The following ASIC4 variants were observed in gnomAD, a reference collection of about 807,000 sequenced individuals.
ASIC4 encodes the protein acid-sensing ion channel 4.
A neutral mutation model predicts 53.4 loss-of-function variants in ASIC4; 28 were observed. That is an observed-to-expected ratio of 0.52 (90% CI 0.39 to 0.72). The LOEUF is 0.72. Among genes scored for constraint, ASIC4 ranks in the 30% least tolerant of loss-of-function variants. ASIC4 has a pLI of 0.00. For synonymous variants in ASIC4, 289 were observed against 301.4 expected (o/e 0.96, Z 0.43); for missense variants, 649 against 729.7 (o/e 0.89, Z 1.27).
At chr2:219,529,350 G>T (rs1695004244) in intron 1 of ASIC4, among the ~76,000 whole-genome samples, 1 of 152,202 alleles carries the variant, frequency 6.6e-6, no homozygotes, top group Non-Finnish European at 1.5e-5. Flanking sequence ...TCTGGGAGCT[G>T]GTAAAGGTGT....
At chr2:219,512,540 G>A (rs188346400), upstream of ASIC4, among the ~76,000 whole-genome samples, 1 of 152,182 alleles carries the variant, frequency 6.6e-6, no homozygotes, top group East Asian at 1.9e-4. Flanking sequence ...GAGGAACAGT[G>A]GGGGGAGTTC....
chr2:219,511,066 G>A (rs757041841), upstream of ASIC4, among the ~76,000 whole-genome samples: 19 of 152,114 alleles, frequency 1.2e-4, no homozygotes, highest in Non-Finnish European at 2.8e-4. The surrounding 1 kb of genome is among the most constrained non-coding windows in gnomAD (Gnocchi z 5.3). Flanking sequence ...CACTTGGTCC[G>A]CACCAGGGCC....
chr2:219,515,748 G>A (rs376590047), intron 1 of ASIC4, among the ~76,000 whole-genome samples: 8 of 152,162 alleles, frequency 5.3e-5, no homozygotes, highest in African/African-American at 1.9e-4. Context: ...GGGAGGTTTG[G>A]GGGGCTCCAT....
chr2:219,537,883 G>T lies in ASIC4; in HGVS notation c.1507-50G>T. The T allele has an allele frequency of 6.6e-7, 1 of 1,514,192 alleles. No individual in the cohort carries two copies. The highest frequency in any genetic ancestry group is 9.0e-7 in the Non-Finnish European group (1 of 1,109,614). The allele number at this position is 1,514,192 out of a possible 1,614,324, so 93.8% of individuals were successfully genotyped here. A position where few individuals can be genotyped will look rare whatever the true frequency, so the allele number is the denominator to read the frequency against. The stretch of plus-strand genomic sequence containing the variant: ...AAGGCTGGCGGTGTGAGCCCTGGGG[G>T]CACCACTTGAGCTCTCCCGGTCCCA... On this transcript the variant is annotated intron_variant, in intron 9 of 9. Coordinates refer to ENST00000358078, the MANE Select transcript of ASIC4 (RefSeq NM_018674.6). This position sits in a 1 kb window ranked among gnomAD's most constrained non-coding sequence, Gnocchi z 4.9.
intron 5 of ASIC4, 104 bp downstream of exon 5, chr2:219,533,043 A>G: frequency 7.6e-7 from 1 of 1,310,296 alleles, no homozygotes; most frequent in Admixed American, 1.7e-5. Flanking sequence ...CTCTTCCTGG[A>G]GGGTTCTTCC....
At chr2:219,514,202 T>A (rs1694737615), upstream of ASIC4, 1 of 1,050,504 alleles carries the variant, frequency 9.5e-7, no homozygotes, top group East Asian at 2.7e-5. Flanking sequence ...AGCAGGAGTT[T>A]GGGGGATAGC....
rs1363750517 is a variant in ASIC4, at chr2:219,538,152, G to T, written c.*106G>T. Reference sequence around the variant, plus strand: ...GCCTGGGGGCGGTGCTCACTGGGAGGGCCAGGACTCAGTTCCTGCTCTCAT... The same window carrying T: ...GCCTGGGGGCGGTGCTCACTGGGAGTGCCAGGACTCAGTTCCTGCTCTCAT... On this transcript the variant is annotated 3_prime_UTR_variant, in exon 10 of 10. Transcript: ENST00000358078. The T allele has an allele frequency of 4.2e-6, 4 of 955,184 alleles. No individual in the cohort carries two copies. The African/African-American group carries it at 6.5e-5, about 16-fold the overall frequency. The allele number at this position is 955,184 out of a possible 1,614,324, so 59.2% of individuals were successfully genotyped here.
chr2:219,513,957 C>G (rs923855501), upstream of ASIC4, among the ~76,000 whole-genome samples: 2 of 152,178 alleles, frequency 1.3e-5, no homozygotes, highest in Non-Finnish European at 2.9e-5. Context: ...ACAAGTGGCT[C>G]TCTCAAGGAG....
chr2:219,508,677 G>A, the ASIC4 span, among the ~76,000 whole-genome samples: 4 of 152,198 alleles, frequency 2.6e-5, no homozygotes, highest in Admixed American at 1.3e-4. Flanking sequence ...TGGACGGGGT[G>A]CAGGGGGCCC....
upstream of ASIC4, chr2:219,514,057 T>G: frequency 1.7e-5 from 7 of 409,334 alleles, no homozygotes; most frequent in Non-Finnish European, 2.6e-5. Flanking sequence ...GGTGGGGGGA[T>G]AGAGTTGGCT....
At position 219,532,447 on chromosome 2, in the gene ASIC4, C is replaced by A; in HGVS notation, c.988C>A (p.Arg330Ser). 6.2e-7 allele frequency: 1 copy of A among 1,613,606 alleles called. No individual in the cohort carries two copies. Among genetic ancestry groups the A allele is most frequent in the Non-Finnish European group, 8.5e-7 (1 of 1,179,742 alleles). ...CTGTGAAAAGGAGGCCGTGCTTCAGCGCTGCCACTGCCGGATGGTGCACAT... is the reference window on the plus strand; with the variant it reads ...CTGTGAAAAGGAGGCCGTGCTTCAGAGCTGCCACTGCCGGATGGTGCACAT... ...LRCEKEAVLQRCHCRMVHMPG... is the reference protein window; with the variant it reads ...LRCEKEAVLQSCHCRMVHMPG... Residue 330 changes from arginine (R) to serine (S), a missense_variant, in exon 4 of 10, where the codon CGC (arginine) becomes AGC (serine). By Grantham distance (110) the Arg-to-Ser change is moderately radical. Coordinates refer to ENST00000358078, the MANE Select transcript of ASIC4 (RefSeq NM_018674.6).
chr2:219,509,941 C>T (rs887638961), upstream of ASIC4, among the ~76,000 whole-genome samples: 4 of 152,096 alleles, frequency 2.6e-5, no homozygotes, highest in African/African-American at 7.2e-5. This position sits in a 1 kb window ranked among gnomAD's most constrained non-coding sequence, Gnocchi z 5.2. Flanking sequence ...CAAATCCGCC[C>T]GTTCTCGATC....
At chr2:219,514,408 G>T, upstream of ASIC4, 1 of 1,548,642 alleles carries the variant, frequency 6.5e-7, no homozygotes. Context: ...TCGCTCACTC[G>T]CTCGCTCGCA....
intron 1 of ASIC4, among the ~76,000 whole-genome samples, chr2:219,519,821 C>A (rs4674408): frequency 6.6e-6 from 1 of 151,598 alleles, no homozygotes; most frequent in Non-Finnish European, 1.5e-5. Context: ...CGGGCTGTGA[C>A]TGGAAGTCGG....
rs576114197 is a variant in ASIC4 at position 219,532,366 on chromosome 2, A to T, written c.907A>T (p.Arg303Trp). 81 of 1,613,982 alleles carry T rather than the reference A, an allele frequency of 5.0e-5. 1 individual carries two copies. In the South Asian group the frequency reaches 8.2e-4, roughly 16 times the overall value. Reference protein sequence around the residue: ...WGNCRAESELREPELQGYSAY... With the variant: ...WGNCRAESELWEPELQGYSAY... ...CAACTGCCGCGCAGAGAGTGAGCTC[A>T]GGGAGCCTGAGCTTCAGGGCTACTC... is the stretch of plus-strand genomic sequence containing the variant. The change falls in exon 4 of 10, where the codon AGG (arginine) becomes TGG (tryptophan). Residue 303 changes from arginine (R) to tryptophan (W), a missense_variant. Transcript: ENST00000358078.
Position 219,532,930 on chromosome 2 carries a change from C to T in ASIC4, c.1066C>T (p.His356Tyr). The change falls in exon 5 of 10, where the codon CAC becomes TAC. Residue 356 changes from histidine to tyrosine, a missense_variant. Transcript: ENST00000358078. ...AAATATCTACATCGAGTGTGCAGAC[C>T]ACACACTGGGTCCGTGCTGCCTACC... The part of the protein sequence containing the change: ...PPNIYIECAD[H>Y]TLDSLGGGPE... 7 of 1,614,018 alleles carry T rather than the reference C, an allele frequency of 4.3e-6. No homozygotes were observed. The highest frequency in any genetic ancestry group is 5.9e-6 in the Non-Finnish European group (7 of 1,179,930).
intron 1 of ASIC4, among the ~76,000 whole-genome samples, chr2:219,519,317 C>A (rs534587565): frequency 5.9e-5 from 9 of 152,344 alleles, no homozygotes; most frequent in Non-Finnish European, 5.9e-5. Context: ...AATGCCGCCA[C>A]CCCAACTGCT....
At position 219,537,914 on chromosome 2, in the gene ASIC4, T is replaced by C; in HGVS notation, c.1507-19T>C. 1 of 1,582,038 alleles carries C rather than the reference T, an allele frequency of 6.3e-7. No individual in the cohort carries two copies. The highest frequency in any genetic ancestry group is 2.3e-5 in the East Asian group (1 of 44,352). On this transcript the variant is annotated intron_variant, in intron 9 of 9. Coordinates refer to ENST00000358078, the MANE Select transcript of ASIC4 (RefSeq NM_018674.6). This position sits in a 1 kb window ranked among gnomAD's most constrained non-coding sequence, Gnocchi z 4.9. ...CTTGAGCTCTCCCGGTCCCACTCTC[T>C]CTTTTCTTTCTCCTGCAGAGTCCCT...
rs974815093 is a variant in ASIC4 at position 219,518,365 on chromosome 2, G to C, written c.582+3059G>C. Among the ~76,000 whole-genome samples, 2 of 152,168 alleles carry C rather than the reference G, an allele frequency of 1.3e-5. No individual in the cohort carries two copies. Among genetic ancestry groups the C allele is most frequent in the African/African-American group, 4.8e-5 (2 of 41,438 alleles). On this transcript the variant is annotated intron_variant, in intron 1 of 9. Coordinates refer to ENST00000358078, the MANE Select transcript of ASIC4 (RefSeq NM_018674.6). The surrounding 1 kb of genome is among the most constrained non-coding windows in gnomAD (Gnocchi z 4.8). ...AGTTCAGAGAAGGAGAGGCCATTCT[G>C]GGTGGAGGAGAGCTGGGAGGGCCTA...
Sources: gnomAD v4.1 joint callset for allele counts (sites outside exome capture counted in the v4.1 genomes callset) on GRCh38, gnomAD v4.1.1 for gene constraint, Gnocchi (gnomAD v3.1) non-coding constraint, MANE v1.5 for transcripts, NCBI Gene and HGNC (gene_info 2026-07-23, HGNC 2026-07-21) for gene names.